The following N4BP1 variants were observed in gnomAD, a reference collection of about 807,000 sequenced individuals.
The protein encoded by N4BP1 is NEDD4 binding protein 1, also known as NEDD4-binding protein 1.
N4BP1 carries 21 observed loss-of-function variants against 70.9 expected under a neutral mutation model. That is an observed-to-expected ratio of 0.30 (90% CI 0.21 to 0.43). The LOEUF (loss-of-function observed/expected upper bound fraction) is 0.43. N4BP1 is among the 20% of genes least tolerant of loss of function. The probability of loss-of-function intolerance (pLI) is 1.00; values close to 1 mark genes in which losing one functional copy is unlikely to be tolerated. For missense variants in N4BP1, 936 were observed against 1,069.4 expected (o/e 0.88, Z 1.74); for synonymous variants, 387 against 394.6 (o/e 0.98, Z 0.23).
chr16:48,589,719 A>G (rs1324512432), intron 1 of N4BP1, among the ~76,000 whole-genome samples: 2 of 152,210 alleles, frequency 1.3e-5, no homozygotes, highest in Non-Finnish European at 2.9e-5. Context: ...CTAGATCCCT[A>G]CAAGGGTATA....
rs751267480 is a variant in N4BP1 at position 48,561,392 on chromosome 16, G to C, written c.1251C>G (p.Ser417Arg). 6.2e-7 allele frequency: 1 copy of C among 1,613,868 alleles called. No individual in the cohort carries two copies. The highest frequency in any genetic ancestry group is 1.7e-5 in the Admixed American group (1 of 59,990). The change falls in exon 2 of 7, where the codon AGC (serine) becomes AGG (arginine). Residue 417 changes from serine (S) to arginine (R), a missense_variant. Ser to Arg is a moderately radical substitution (Grantham distance 110). This residue lies in a region of N4BP1 where 515 missense variants were observed against 491.7 expected (regional missense o/e 1.05). Transcript: ENST00000262384. ...NKTKNKGVYSSTNELTTDSTP... is the reference protein window; with the variant it reads ...NKTKNKGVYSRTNELTTDSTP... ...TGGAATCAGTTGTAAGCTCATTTGTGCTGCTATAAACACCTTTATTTTTGG... is the reference window on the plus strand; with the variant it reads ...TGGAATCAGTTGTAAGCTCATTTGTCCTGCTATAAACACCTTTATTTTTGG...
Position 48,541,620 on chromosome 16 carries a change from G to A in N4BP1, c.*1284C>T, listed in dbSNP as rs2151083319. The A allele has an allele frequency of 1.3e-5, 2 of 152,534 alleles. No homozygotes were observed. Among genetic ancestry groups the A allele is most frequent in the South Asian group, 4.1e-4 (2 of 4,834 alleles). 9.4% of individuals were successfully genotyped at this position (152,534 alleles called of 1,614,324 possible). On this transcript the variant is annotated 3_prime_UTR_variant, in exon 7 of 7. Coordinates refer to ENST00000262384, the MANE Select transcript of N4BP1 (RefSeq NM_153029.4). ...TAGGAGACAAGATCCGGACAGGCAG[G>A]ACAGGCAGCAAGCCGACTGTGAGCA...
At chr16:48,583,836 G>A (rs1964206671) in intron 1 of N4BP1, among the ~76,000 whole-genome samples, 1 of 152,130 alleles carries the variant, frequency 6.6e-6, no homozygotes, top group African/African-American at 2.4e-5. Context: ...GATGCCCGAA[G>A]GGACTCTCAT....
chr16:48,590,828 G>A (rs183208400), intron 1 of N4BP1, among the ~76,000 whole-genome samples: 43 of 152,248 alleles, frequency 2.8e-4, no homozygotes, highest in African/African-American at 8.9e-4. Flanking sequence ...CTCCATCACC[G>A]AGTGTCTGTC....
chr16:48,601,703 T>C (rs974184535), intron 1 of N4BP1, among the ~76,000 whole-genome samples: 1 of 121,896 alleles, frequency 8.2e-6, no homozygotes, highest in Non-Finnish European at 1.6e-5. Context: ...AAAAAAGGTT[T>C]TTTGTGGTTT....
At chr16:48,589,728 T>C (rs540344578) in intron 1 of N4BP1, among the ~76,000 whole-genome samples, 100 of 152,314 alleles carry the variant, frequency 6.6e-4, no homozygotes, top group Admixed American at 1.8e-3. Flanking sequence ...TACAAGGGTA[T>C]AGAACCTGCC....
chr16:48,560,927 A>G lies in N4BP1; in HGVS notation c.1716T>C (p.Pro572=), dbSNP rs1963844897. Reference sequence around the variant, plus strand: ...CTGCCGACCTTGCATCAGTAACCGAAGGTAACAGCTGGGGCAGTGGCATTG... The same window carrying G: ...CTGCCGACCTTGCATCAGTAACCGAGGGTAACAGCTGGGGCAGTGGCATTG... The part of the protein sequence containing the change: ...SPPMPLPQLL[P]SVTDARSAGP... The change falls in exon 2 of 7, where the codon CCT becomes CCC. Residue 572 remains proline, a synonymous_variant. Coordinates refer to ENST00000262384, the MANE Select transcript of N4BP1 (RefSeq NM_153029.4). The G allele has an allele frequency of 6.2e-7, 1 of 1,613,888 alleles. No individual in the cohort carries two copies. The highest frequency in any genetic ancestry group is 1.7e-5 in the Admixed American group (1 of 60,002).
intron 1 of N4BP1, among the ~76,000 whole-genome samples, chr16:48,591,952 C>T (rs912936769): frequency 9.9e-5 from 15 of 150,930 alleles, no homozygotes; most frequent in African/African-American, 3.7e-4. Flanking sequence ...AGCTGTTAGC[C>T]TTGGTGTGCA....
At position 48,542,529 on chromosome 16, in the gene N4BP1, CT is replaced by C. The variant is rs3833064; in HGVS notation, c.*374del. 0.39 allele frequency: 61,071 copies of C among 157,424 alleles called. 12,505 individuals carry two copies. The highest frequency in any genetic ancestry group is 0.52 in the African/African-American group (21,463 of 41,382). 9.8% of individuals were successfully genotyped at this position (157,424 alleles called of 1,614,324 possible). ...TCTTGCTTTCCTTAAGAAAGCAACA[CT>C]TTTTTTTTTATTTATTTATAAAGGC... is the stretch of plus-strand genomic sequence containing the variant. On this transcript the variant is annotated 3_prime_UTR_variant, in exon 7 of 7. Coordinates refer to ENST00000262384, the MANE Select transcript of N4BP1 (RefSeq NM_153029.4).
chr16:48,583,044 T>C (rs1018925357), intron 1 of N4BP1, among the ~76,000 whole-genome samples: 6 of 152,252 alleles, frequency 3.9e-5, no homozygotes, highest in South Asian at 4.1e-4. Context: ...TATGACCACA[T>C]CACTGCACTC....
At chr16:48,567,076 AT>A (rs1963953564) in intron 1 of N4BP1, among the ~76,000 whole-genome samples, 1 of 152,058 alleles carries the variant, frequency 6.6e-6, no homozygotes, top group South Asian at 2.1e-4. Context: ...CTCCTTTTAC[AT>A]TTTACTTACC....
intron 1 of N4BP1, among the ~76,000 whole-genome samples, chr16:48,598,478 A>C (rs1177990118): frequency 6.6e-6 from 1 of 151,422 alleles, no homozygotes; most frequent in Non-Finnish European, 1.5e-5. Flanking sequence ...GAAGGTGGAG[A>C]GTCACAGGAC....
chr16:48,583,065 G>A (rs3950803), intron 1 of N4BP1, among the ~76,000 whole-genome samples: 4,398 of 152,160 alleles, frequency 0.029, 193 homozygotes, highest in African/African-American at 0.098. Context: ...TAGCCTGGGC[G>A]ACAGAGTGAG....
At chr16:48,586,439 A>C (rs1021107362) in intron 1 of N4BP1, among the ~76,000 whole-genome samples, 5 of 152,150 alleles carry the variant, frequency 3.3e-5, no homozygotes, top group Admixed American at 6.5e-5. Flanking sequence ...GTCTTTTTCC[A>C]GTTGTTTTCT....
At chr16:48,583,769 T>C (rs1178244472) in intron 1 of N4BP1, among the ~76,000 whole-genome samples, 3 of 152,208 alleles carry the variant, frequency 2.0e-5, no homozygotes, top group Non-Finnish European at 2.9e-5. Flanking sequence ...CTGAAAGTCA[T>C]GCTTACATAA....
chr16:48,553,498 A>AAT, intron 3 of N4BP1, 41 bp downstream of exon 3: 1 of 1,512,940 alleles, frequency 6.6e-7, no homozygotes, highest in Non-Finnish European at 8.8e-7. Flanking sequence ...CCAACTCATT[A>AAT]AACATTTCAC....
rs1963847772 is a variant in N4BP1 at position 48,561,048 on chromosome 16, G to C, written c.1595C>G (p.Pro532Arg). ...PENGLHQQPE[P>R]LLPNNMKSAC... ...AGATTTCATATTATTTGGAAGCAAG[G>C]GTTCTGGCTGCTGGTGTAAACCATT... Residue 532 changes from proline (P) to arginine (R), a missense_variant, in exon 2 of 7, where the codon CCC becomes CGC. Pro to Arg is a moderately radical substitution (Grantham distance 103, BLOSUM62 -2). Coordinates refer to ENST00000262384, the MANE Select transcript of N4BP1 (RefSeq NM_153029.4). 6 of 1,613,968 alleles carry C rather than the reference G, an allele frequency of 3.7e-6. No individual in the cohort carries two copies. Among genetic ancestry groups the C allele is most frequent in the Middle Eastern group, 1.6e-4 (1 of 6,062 alleles).
chr16:48,591,913 G>GTTTTTTTTTTTTTT, intron 1 of N4BP1, among the ~76,000 whole-genome samples: 1 of 151,192 alleles, frequency 6.6e-6, no homozygotes. Context: ...AGTTTTGGGG[G>GTTTTTTTTTTTTTT]TATCAGAAAT....
At chr16:48,609,647 G>T in intron 1 of N4BP1, 128 bp downstream of exon 1, 1 of 803,812 alleles carries the variant, frequency 1.2e-6, no homozygotes. Context: ...AGGCACGTTC[G>T]CTGGCTCCCG....
Sources: gnomAD v4.1 joint callset for allele counts (sites outside exome capture counted in the v4.1 genomes callset) on GRCh38, gnomAD v4.1.1 for gene constraint, gnomAD v4.1.1 regional missense constraint, MANE v1.5 for transcripts, NCBI Gene and HGNC (gene_info 2026-07-23, HGNC 2026-07-21) for gene names.